The following RIMS1 variants were observed in gnomAD, a reference collection of about 807,000 sequenced individuals.
RIMS1 encodes the protein regulating synaptic membrane exocytosis 1.
A neutral mutation model predicts 214.1 loss-of-function variants in RIMS1; 83 were observed. The observed-to-expected ratio is 0.39, with a 90% CI of 0.32 to 0.47. RIMS1 has a LOEUF of 0.47. Among genes scored for constraint, RIMS1 ranks in the 20% least tolerant of loss-of-function variants. RIMS1 has a pLI of 0.99. For synonymous variants in RIMS1, 793 were observed against 786.8 expected (o/e 1.01, Z -0.13); for missense variants, 2,050 against 2,161.8 (o/e 0.95, Z 1.03).
intron 2 of RIMS1, among the ~76,000 whole-genome samples, chr6:72,047,293 A>C (rs1823344070): frequency 6.6e-6 from 1 of 152,124 alleles, no homozygotes; most frequent in Non-Finnish European, 1.5e-5. Flanking sequence ...CCATTGTGAC[A>C]CTCAACAATT....
chr6:72,291,982 G>C lies in RIMS1; in HGVS notation c.3786G>C (p.Ser1262=). The C allele has an allele frequency of 6.4e-7, 1 of 1,565,196 alleles. No individual in the cohort carries two copies. Reference sequence around the variant, plus strand: ...CACAATCTCCTCCAGCAGACACATCGTTCAGCAGTCGCAGGGGAAGACAGC... The same window carrying C: ...CACAATCTCCTCCAGCAGACACATCCTTCAGCAGTCGCAGGGGAAGACAGC... The part of the protein sequence containing the change: ...SPTQSPPADT[S]FSSRRGRQLP... Residue 1262 remains serine (S), a synonymous_variant, in exon 26 of 34, where the codon TCG becomes TCC. Transcript: ENST00000521978.
chr6:72,361,298 G>A (rs1487295073), intron 29 of RIMS1, among the ~76,000 whole-genome samples: 2 of 151,322 alleles, frequency 1.3e-5, no homozygotes, highest in African/African-American at 4.9e-5. Context: ...TAGAGACGGG[G>A]TTTCACCATG....
rs753907708 is a variant in RIMS1 at position 72,097,123 on chromosome 6, T to C, written c.420T>C (p.Cys140=). The C allele has an allele frequency of 1.9e-6, 3 of 1,614,018 alleles. No homozygotes were observed. The highest frequency in any genetic ancestry group is 2.5e-6 in the Non-Finnish European group (3 of 1,179,888). Residue 140 remains cysteine, a synonymous_variant, in exon 3 of 34, where the codon TGT becomes TGC. Coordinates refer to ENST00000521978, the MANE Select transcript of RIMS1 (RefSeq NM_014989.7). ...HLCSYCRTKF[C]ARCGGRVSLR... ...GCTCCTATTGTCGCACTAAGTTCTG[T>C]GCGCGCTGCGGAGGCCGCGTGTCTC...
At position 72,154,747 on chromosome 6, in the gene RIMS1, T is replaced by C. The variant is rs766162279; in HGVS notation, c.472-24828T>C. On this transcript the variant is annotated intron_variant, in intron 4 of 33. Coordinates refer to ENST00000521978, the MANE Select transcript of RIMS1 (RefSeq NM_014989.7). ...TTTCACTTCTTGTATCCCACTTTCC[T>C]CAAGGTGGTACAGCTCAGTGCTAAG... Among the ~76,000 whole-genome samples, 3 of 140,848 alleles carry C rather than the reference T, an allele frequency of 2.1e-5. 1 individual carries two copies. The highest frequency in any genetic ancestry group is 4.8e-5 in the Non-Finnish European group (3 of 61,960). The allele number at this position is 140,848 out of a possible 152,430, so 92.4% of individuals were successfully genotyped here.
intron 6 of RIMS1, among the ~76,000 whole-genome samples, chr6:72,222,815 TTGTTTTAACATCAA>T (rs2058930494): frequency 6.6e-6 from 1 of 152,192 alleles, no homozygotes; most frequent in Non-Finnish European, 1.5e-5. Context: ...CTAATGGATA[TTGTTTTAACATCAA>T]TGTTTTGCCC....
intron 2 of RIMS1, among the ~76,000 whole-genome samples, chr6:71,978,161 A>G (rs1166262056): frequency 6.6e-6 from 1 of 152,134 alleles, no homozygotes; most frequent in Non-Finnish European, 1.5e-5. Flanking sequence ...AATCTCTAAT[A>G]TGCTTAAGAG....
At position 72,016,308 on chromosome 6, in the gene RIMS1, C is replaced by T. The variant is rs958513301; in HGVS notation, c.245+47245C>T. Among the ~76,000 whole-genome samples, 13 of 152,168 alleles carry T rather than the reference C, an allele frequency of 8.5e-5. No homozygotes were observed. The East Asian group carries it at 1.9e-3, about 23-fold the overall frequency. ...TGTCAGGGTAGTATTGTTTTTTACTCTCCATTTCATTTATTTCTGCTCATG... is the reference window on the plus strand; with the variant it reads ...TGTCAGGGTAGTATTGTTTTTTACTTTCCATTTCATTTATTTCTGCTCATG... On this transcript the variant is annotated intron_variant, in intron 2 of 33. Coordinates refer to ENST00000521978, the MANE Select transcript of RIMS1 (RefSeq NM_014989.7).
rs768576466 is a variant in RIMS1 at position 72,097,036 on chromosome 6, C to G, written c.333C>G (p.Asp111Glu). Residue 111 changes from aspartate to glutamate, a missense_variant, in exon 3 of 34, where the codon GAC (aspartate) becomes GAG (glutamate). Asp to Glu is a conservative substitution (Grantham distance 45, BLOSUM62 2). Around this residue, in one of 6 missense-constraint regions of RIMS1, gnomAD observed 882 missense variants for 828.9 expected, o/e 1.06. Transcript: ENST00000521978. Reference protein sequence around the residue: ...EARRYQGEHKDDAPTCGICHK... With the variant: ...EARRYQGEHKEDAPTCGICHK... The stretch of plus-strand genomic sequence containing the variant: ...GGCGTTACCAGGGCGAGCACAAAGA[C>G]GATGCTCCGACTTGTGGAATCTGTC... 1.7e-5 allele frequency: 28 copies of G among 1,613,936 alleles called. No individual in the cohort carries two copies. The South Asian group carries it at 2.3e-4, about 13-fold the overall frequency.
intron 1 of RIMS1, among the ~76,000 whole-genome samples, chr6:71,911,829 G>A (rs576054545): frequency 6.6e-6 from 1 of 152,048 alleles, no homozygotes; most frequent in African/African-American, 2.4e-5. Context: ...ACATATTTCA[G>A]GTCTTGAAGG....
intron 1 of RIMS1, among the ~76,000 whole-genome samples, chr6:71,909,635 A>G (rs935614452): frequency 5.3e-5 from 8 of 152,204 alleles, no homozygotes; most frequent in African/African-American, 9.6e-5. Context: ...ATACAGAGGT[A>G]TACTAAAATT....
intron 11 of RIMS1, 37 bp from the exon 12 acceptor site, chr6:72,247,978 A>G: frequency 7.7e-7 from 1 of 1,301,724 alleles, no homozygotes; most frequent in Non-Finnish European, 1.1e-6. Context: ...TATTTCCTAC[A>G]CTTACAAATA....
At chr6:72,154,132 G>A in intron 4 of RIMS1, among the ~76,000 whole-genome samples, 1 of 151,874 alleles carries the variant, frequency 6.6e-6, no homozygotes, top group Non-Finnish European at 1.5e-5. Flanking sequence ...CAAGATATAA[G>A]GAATAGCTGT....
chr6:71,921,463 A>G (rs1045450604), intron 1 of RIMS1, among the ~76,000 whole-genome samples: 3 of 152,228 alleles, frequency 2.0e-5, no homozygotes, highest in African/African-American at 4.8e-5. Flanking sequence ...CTAAAGTTCC[A>G]AACTCCCATT....
At chr6:72,108,512 A>G (rs2035259266) in intron 4 of RIMS1, among the ~76,000 whole-genome samples, 1 of 152,082 alleles carries the variant, frequency 6.6e-6, no homozygotes, top group African/African-American at 2.4e-5. Flanking sequence ...AGGATCATAT[A>G]TTCCCTTATT....
intron 29 of RIMS1, among the ~76,000 whole-genome samples, chr6:72,379,721 G>A (rs1031113665): frequency 2.0e-5 from 3 of 152,148 alleles, no homozygotes; most frequent in Admixed American, 2.0e-4. Context: ...TATGAGCTAG[G>A]TATTTTGATT....
chr6:72,233,634 A>C lies in RIMS1; in HGVS notation c.1679-139A>C, dbSNP rs1589862841. On this transcript the variant is annotated intron_variant, in intron 6 of 33. Transcript: ENST00000521978. ...TGATTCAAGTCACAACCTTTGCAAC[A>C]CAGGTGTGCATCATTCTGCGATGTA... The C allele has an allele frequency of 4.6e-5, 30 of 659,310 alleles. No individual in the cohort carries two copies. In the East Asian group the frequency reaches 8.3e-4, roughly 18 times the overall value. The allele number at this position is 659,310 out of a possible 1,614,324, so 40.8% of individuals were successfully genotyped here.
intron 29 of RIMS1, among the ~76,000 whole-genome samples, chr6:72,353,125 C>T (rs62407518): frequency 0.19 from 28,814 of 150,422 alleles, 3,439 homozygotes; most frequent in Middle Eastern, 0.27. Flanking sequence ...GCTGGGATTA[C>T]AGGCACCCAC....
intron 5 of RIMS1, 144 bp downstream of exon 5, chr6:72,180,059 G>C: frequency 1.9e-6 from 1 of 518,120 alleles, no homozygotes; most frequent in Admixed American, 3.5e-5. Context: ...GGCCTGAGGG[G>C]CGTTGTCTAT....
intron 1 of RIMS1, among the ~76,000 whole-genome samples, chr6:71,916,153 G>GA (rs1198654412): frequency 3.3e-5 from 5 of 152,226 alleles, no homozygotes; most frequent in Non-Finnish European, 5.9e-5. Context: ...TTAGTGGTGA[G>GA]AAAAATGGCA....
Sources: allele counts gnomAD v4.1 joint callset (sites outside exome capture counted in the v4.1 genomes callset), GRCh38; gene constraint gnomAD v4.1.1; regional missense constraint gnomAD v4.1.1; transcripts MANE v1.5; gene names NCBI Gene and HGNC (gene_info 2026-07-23, HGNC 2026-07-21).